CYP2R1: variants seen among roughly 807,000 people sequenced by gnomAD.
The protein encoded by CYP2R1 is vitamin D 25-hydroxylase.
Under a neutral mutation model 45.7 loss-of-function variants are expected in CYP2R1, and 40 were observed. That is an observed-to-expected ratio of 0.87 (90% CI 0.68 to 1.14). The LOEUF (loss-of-function observed/expected upper bound fraction) is 1.14, where lower values mean the gene tolerates loss of function less well. Ranked by LOEUF, CYP2R1 falls within the 50% of genes most tolerant of loss-of-function variation. The probability of loss-of-function intolerance (pLI) is 0.00; values close to 1 mark genes in which losing one functional copy is unlikely to be tolerated. For missense variants in CYP2R1, 605 were observed against 602.6 expected (o/e 1.00, Z -0.04); for synonymous variants, 234 against 219.3 (o/e 1.07, Z -0.59).
chr11:14,879,509 C>T (rs1848293344), intron 3 of CYP2R1, 66 bp from the exon 4 acceptor site: 6 of 1,310,456 alleles, frequency 4.6e-6, no homozygotes, highest in Non-Finnish European at 6.4e-6. Flanking sequence ...TTATTTCCCT[C>T]TGGAATAAAA....
chr11:14,892,339 C>G, upstream of CYP2R1: 1 of 817,194 alleles, frequency 1.2e-6, no homozygotes, highest in Admixed American at 2.5e-5. Flanking sequence ...ACTGAGTGAG[C>G]GCTCAGGCCC....
intron 1 of CYP2R1, among the ~76,000 whole-genome samples, chr11:14,889,657 G>A (rs1848754160): frequency 1.3e-5 from 2 of 152,240 alleles, no homozygotes; most frequent in South Asian, 2.1e-4. Context: ...AACTATGATA[G>A]GGGACTTAGA....
Position 14,880,661 on chromosome 11 carries a change from A to G in CYP2R1, c.475T>C (p.Leu159=). The change falls in exon 3 of 5, where the codon TTG becomes CTG. Residue 159 remains leucine (L), a synonymous_variant. Coordinates refer to ENST00000334636, the MANE Select transcript of CYP2R1 (RefSeq NM_024514.5). The part of the protein sequence containing the change: ...YGQKSFESKI[L]EETKFFNDAI... ...TCATTGAAAAATTTGGTTTCTTCCAAGATTTTAGATTCAAAAGACTTTTGG... is the reference window on the plus strand; with the variant it reads ...TCATTGAAAAATTTGGTTTCTTCCAGGATTTTAGATTCAAAAGACTTTTGG... The G allele has an allele frequency of 6.3e-7, 1 of 1,597,220 alleles. No homozygotes were observed. The highest frequency in any genetic ancestry group is 1.1e-5 in the South Asian group (1 of 87,818).
intron 2 of CYP2R1, 27 bp from the exon 3 acceptor site, chr11:14,880,795 T>A (rs782182077): frequency 2.5e-6 from 4 of 1,581,260 alleles, no homozygotes; most frequent in Non-Finnish European, 3.4e-6. Flanking sequence ...AAATATTGTA[T>A]AATTCCTACT....
chr11:14,891,483 A>G (rs966796201), intron 1 of CYP2R1: 1 of 986,924 alleles, frequency 1.0e-6, no homozygotes, highest in Non-Finnish European at 1.2e-6. Context: ...CCATTCTCAC[A>G]GCAAACGCCT....
chr11:14,892,050 G>C lies in CYP2R1; in HGVS notation c.156C>G (p.Ile52Met). The change falls in exon 1 of 5, where the codon ATC becomes ATG. Residue 52 changes from isoleucine (I) to methionine (M), a missense_variant. Transcript: ENST00000334636. ...GPPGLPFIGN[I>M]YSLAASSELP... ...GCTCGGATGAGGCTGCCAGGGAATA[G>C]ATGTTGCCGATAAATGGCAGCCCCG... is the stretch of plus-strand genomic sequence containing the variant. 3.7e-6 allele frequency: 6 copies of C among 1,613,158 alleles called. No homozygotes were observed. The South Asian group carries it at 5.5e-5, about 15-fold the overall frequency.
At chr11:14,891,865 C>A in intron 1 of CYP2R1, 116 bp downstream of exon 1, 2 of 1,412,700 alleles carry the variant, frequency 1.4e-6, no homozygotes, top group East Asian at 5.1e-5. Flanking sequence ...GCAGCCGGCA[C>A]ACGGAGAGGT....
At chr11:14,887,896 A>C (rs1848680616) in intron 1 of CYP2R1, among the ~76,000 whole-genome samples, 1 of 152,192 alleles carries the variant, frequency 6.6e-6, no homozygotes. Context: ...AGTCACCTGC[A>C]TTTCTCCCTT....
At chr11:14,886,400 A>G (rs1469677616) in intron 1 of CYP2R1, 1 of 166,496 alleles carries the variant, frequency 6.0e-6, no homozygotes, top group Non-Finnish European at 1.3e-5. Context: ...CTGAGAGACA[A>G]CTTTGAAGTA....
intron 1 of CYP2R1, 90 bp downstream of exon 1, chr11:14,891,891 C>T: frequency 6.7e-7 from 1 of 1,499,338 alleles, no homozygotes; most frequent in Non-Finnish European, 9.0e-7. Flanking sequence ...CTAGTCGGCC[C>T]AGGGGCGGCC....
At position 14,891,087 on chromosome 11, in the gene CYP2R1, A is replaced by G. The variant is rs1848834576; in HGVS notation, c.225+894T>C. The G allele has an allele frequency of 4.1e-6, 4 of 985,390 alleles. No individual in the cohort carries two copies. The Admixed American group carries it at 1.8e-4, about 45-fold the overall frequency. The allele number at this position is 985,390 out of a possible 1,614,324, so 61.0% of individuals were successfully genotyped here. Reference sequence around the variant, plus strand: ...ATATAAATAAGTGTAATTCAAAACAAAACAGGTGAGCTCTGTCCCAGGACC... The same window carrying G: ...ATATAAATAAGTGTAATTCAAAACAGAACAGGTGAGCTCTGTCCCAGGACC... On this transcript the variant is annotated intron_variant, in intron 1 of 4. Transcript: ENST00000334636.
At chr11:14,891,608 G>T (rs1266885401) in intron 1 of CYP2R1, 49 of 1,062,578 alleles carry the variant, frequency 4.6e-5, no homozygotes, top group Non-Finnish European at 5.5e-5. Flanking sequence ...CTGCGAGGCC[G>T]ACTCGCAAGA....
Position 14,885,911 on chromosome 11 carries a change from T to G in CYP2R1, c.232A>C (p.Ser78Arg), listed in dbSNP as rs782087797. Residue 78 changes from serine (S) to arginine (R), a missense_variant, in exon 2 of 5, where the codon AGT (serine) becomes CGT (arginine). Physicochemically the swap from Ser to Arg is moderately radical, Grantham distance 110. Coordinates refer to ENST00000334636, the MANE Select transcript of CYP2R1 (RefSeq NM_024514.5). The part of the protein sequence containing the change: ...KQSQVYGEIF[S>R]LDLGGISTVV... ...GTTGATATGCCTCCAAGATCTAAAC[T>G]GAAGATCTTTGAGAAGAGAAGAAAA... 6.2e-7 allele frequency: 1 copy of G among 1,613,196 alleles called. No homozygotes were observed. The highest frequency in any genetic ancestry group is 1.1e-5 in the South Asian group (1 of 91,050).
At chr11:14,887,376 C>T (rs1555015031) in intron 1 of CYP2R1, 1 of 153,622 alleles carries the variant, frequency 6.5e-6, no homozygotes, top group Non-Finnish European at 1.4e-5. Flanking sequence ...CTGAAATAGT[C>T]CTCTATTTGA....
At chr11:14,892,376 G>C (rs1025775075), upstream of CYP2R1, 3 of 657,084 alleles carry the variant, frequency 4.6e-6, no homozygotes, top group Non-Finnish European at 7.8e-6. Context: ...TTCTAGTTTT[G>C]CGCGGCTGAG....
rs1158605261 is a variant in CYP2R1 at position 14,877,472 on chromosome 11, T to G, written c.*650A>C. On this transcript the variant is annotated 3_prime_UTR_variant, in exon 5 of 5. Coordinates refer to ENST00000334636, the MANE Select transcript of CYP2R1 (RefSeq NM_024514.5). ...AAATTTTAAATATATTATTGTAATG[T>G]CCTATCTACTTAACTGCTATGAAGA... 2 of 152,148 alleles carry G rather than the reference T, an allele frequency of 1.3e-5. No homozygotes were observed. The highest frequency in any genetic ancestry group is 4.8e-5 in the African/African-American group (2 of 41,436). 9.4% of individuals were successfully genotyped at this position (152,148 alleles called of 1,614,324 possible). A position where few individuals can be genotyped will look rare whatever the true frequency, so the allele number is the denominator to read the frequency against.
rs781889571 is a variant in CYP2R1, at chr11:14,892,070, GC to G, written c.135del (p.Leu46CysfsTer21). 32 of 1,611,636 alleles carry G rather than the reference GC, an allele frequency of 2.0e-5. No homozygotes were observed. The highest frequency in any genetic ancestry group is 2.6e-5 in the Non-Finnish European group (31 of 1,179,560). On this transcript the variant is annotated frameshift_variant, in exon 1 of 5. Transcript: ENST00000334636. LOFTEE classifies it high-confidence loss of function. ...GAATAGATGTTGCCGATAAATGGCAGCCCCGGCGGCCCCGGGGGGAAGCCCA... is the reference window on the plus strand; with the variant it reads ...GAATAGATGTTGCCGATAAATGGCAGCCCGGCGGCCCCGGGGGGAAGCCCA... ...RPMGFPPGPP[G>X]LPFIGNIYSL...
intron 4 of CYP2R1, among the ~76,000 whole-genome samples, chr11:14,878,670 T>G (rs1312407276): frequency 1.3e-5 from 2 of 152,054 alleles, no homozygotes; most frequent in Non-Finnish European, 2.9e-5. Flanking sequence ...AGGGGAAGAG[T>G]TTCTAGTCCA....
chr11:14,891,081 A>G (rs1025419920), intron 1 of CYP2R1: 2 of 985,286 alleles, frequency 2.0e-6, no homozygotes, highest in Admixed American at 6.1e-5. Context: ...AGTGTAATTC[A>G]AAACAAAACA....
Sources: gnomAD v4.1 joint callset for allele counts (sites outside exome capture counted in the v4.1 genomes callset) on GRCh38, gnomAD v4.1.1 for gene constraint, MANE v1.5 for transcripts, NCBI Gene and HGNC (gene_info 2026-07-23, HGNC 2026-07-21) for gene names.